Variants in MAP3K21 observed in about 807,000 individuals in gnomAD.
MAP3K21 encodes mitogen-activated protein kinase kinase kinase MLK4.
MAP3K21 carries 63 observed loss-of-function variants against 86.1 expected under a neutral mutation model. The ratio of observed to expected loss-of-function variants is 0.73; its 90% CI spans 0.60 to 0.90. The LOEUF (loss-of-function observed/expected upper bound fraction) is 0.90. Ranked by LOEUF, MAP3K21 falls within the 40% of genes least tolerant of loss-of-function variation. The probability of loss-of-function intolerance (pLI) is 0.00; values close to 1 mark genes in which losing one functional copy is unlikely to be tolerated. For missense variants in MAP3K21, 1,220 were observed against 1,367.7 expected (o/e 0.89, Z 1.70); for synonymous variants, 558 against 564.8 (o/e 0.99, Z 0.17).
At position 233,382,618 on chromosome 1, in the gene MAP3K21, T is replaced by A; in HGVS notation, c.3018T>A (p.Gly1006=). 6.2e-7 allele frequency: 1 copy of A among 1,614,092 alleles called. No homozygotes were observed. The highest frequency in any genetic ancestry group is 8.5e-7 in the Non-Finnish European group (1 of 1,180,006). The change falls in exon 10 of 10, where the codon GGT becomes GGA. Residue 1006 remains glycine, a synonymous_variant. Transcript: ENST00000366624. ...VPSLLDADVE[G]QSRDYTVPLC... is the part of the protein sequence containing the mutation. The stretch of plus-strand genomic sequence containing the variant: ...CATTACTGGATGCTGACGTGGAAGG[T>A]CAGAGCAGGGACTACACTGTGCCAC...
Position 233,378,936 on chromosome 1 carries a change from T to C in MAP3K21, c.1930T>C (p.Cys644Arg), listed in dbSNP as rs754798462. The C allele has an allele frequency of 1.2e-5, 20 of 1,609,400 alleles. No individual in the cohort carries two copies. The East Asian group carries it at 4.0e-4, about 32-fold the overall frequency. Residue 644 changes from cysteine (C) to arginine (R), a missense_variant, in exon 9 of 10, where the codon TGT becomes CGT. By Grantham distance (180) the Cys-to-Arg change is radical. Transcript: ENST00000366624. Reference protein sequence around the residue: ...ASLFVDQPGSCEEPKLSPDGL... With the variant: ...ASLFVDQPGSREEPKLSPDGL... ...GTACTTATACCTTTATTTAGGGTCC[T>C]GTGAAGAGCCAAAACTTTCCCCTGA...
chr1:233,345,858 A>G (rs1427347550), intron 1 of MAP3K21, among the ~76,000 whole-genome samples: 1 of 152,074 alleles, frequency 6.6e-6, no homozygotes, highest in Non-Finnish European at 1.5e-5. Flanking sequence ...TGCATCCTCT[A>G]CATTGGCAGG....
At position 233,327,978 on chromosome 1, in the gene MAP3K21, C is replaced by G. The variant is rs1393817268; in HGVS notation, c.-51C>G. On this transcript the variant is annotated 5_prime_UTR_variant, in exon 1 of 10. Transcript: ENST00000366624. ...CGGACGATGCGCGCCCGCGGCCGCC[C>G]GGGAGGCTGAGCCCAGCTTCCCGCT... The G allele has an allele frequency of 4.9e-6, 6 of 1,234,696 alleles. No homozygotes were observed. Among genetic ancestry groups the G allele is most frequent in the Non-Finnish European group, 2.0e-6 (2 of 989,988 alleles). 76.5% of individuals were successfully genotyped at this position (1,234,696 alleles called of 1,614,324 possible).
Position 233,346,742 on chromosome 1 carries a change from A to G in MAP3K21, c.986+120A>G, listed in dbSNP as rs1663149038. On this transcript the variant is annotated intron_variant, in intron 2 of 9. Coordinates refer to ENST00000366624, the MANE Select transcript of MAP3K21 (RefSeq NM_032435.3). ...TCGAGGCCTTTTTGAATGAATTTTT[A>G]TGGTTTTGATCAAAATAATTGTAAT... 5 of 847,720 alleles carry G rather than the reference A, an allele frequency of 5.9e-6. No individual in the cohort carries two copies. The South Asian group carries it at 8.5e-5, about 14-fold the overall frequency. The allele number at this position is 847,720 out of a possible 1,614,324, so 52.5% of individuals were successfully genotyped here. A position where few individuals can be genotyped will look rare whatever the true frequency, so the allele number is the denominator to read the frequency against.
At chr1:233,367,176 T>C (rs1663593066) in intron 5 of MAP3K21, among the ~76,000 whole-genome samples, 1 of 152,188 alleles carries the variant, frequency 6.6e-6, no homozygotes, top group Non-Finnish European at 1.5e-5. Context: ...TTTGATTGCT[T>C]CAGAAGTGTC....
rs145047167 is a variant in MAP3K21 at position 233,340,668 on chromosome 1, A to G, written c.806-5774A>G. On this transcript the variant is annotated intron_variant, in intron 1 of 9. Transcript: ENST00000366624. ...TAGGAAATGGGTGAAAAGAAATATG[A>G]GAAACATTCTATGCTATGTGATAAA... 3.3e-3 allele frequency among the ~76,000 whole-genome samples: 503 copies of G among 152,248 alleles called. 3 individuals are homozygous for G. Among genetic ancestry groups the G allele is most frequent in the African/African-American group, 0.011 (461 of 41,538 alleles).
intron 5 of MAP3K21, among the ~76,000 whole-genome samples, chr1:233,368,386 C>T (rs961592430): frequency 1.3e-5 from 2 of 152,154 alleles, no homozygotes; most frequent in Admixed American, 6.5e-5. Flanking sequence ...GGTGCAGTGA[C>T]TCACGCCTGT....
intron 1 of MAP3K21, among the ~76,000 whole-genome samples, chr1:233,332,966 G>A (rs966645631): frequency 6.1e-5 from 9 of 147,840 alleles, no homozygotes; most frequent in Non-Finnish European, 1.3e-4. Flanking sequence ...TAGTCTTTTA[G>A]GAATAATTAT....
At chr1:233,358,838 C>A (rs1018993691) in intron 4 of MAP3K21, among the ~76,000 whole-genome samples, 1 of 152,050 alleles carries the variant, frequency 6.6e-6, no homozygotes, top group Non-Finnish European at 1.5e-5. Flanking sequence ...GAGACAGAGT[C>A]TCACTCTGTT....
chr1:233,345,834 G>A (rs187556918), intron 1 of MAP3K21, among the ~76,000 whole-genome samples: 240 of 152,032 alleles, frequency 1.6e-3, no homozygotes, highest in African/African-American at 5.4e-3. Context: ...CTTCACTCCC[G>A]GGAGTTCCCC....
intron 3 of MAP3K21, 45 bp from the exon 4 acceptor site, chr1:233,354,791 A>ATGTCTTGGGGAT: frequency 8.4e-6 from 12 of 1,429,562 alleles, no homozygotes; most frequent in Non-Finnish European, 1.0e-5. Context: ...AGCAACTCTA[A>ATGTCTTGGGGAT]ACTGCGTTGA....
At chr1:233,329,259 G>C (rs1662766321) in intron 1 of MAP3K21, among the ~76,000 whole-genome samples, 1 of 152,068 alleles carries the variant, frequency 6.6e-6, no homozygotes, top group Non-Finnish European at 1.5e-5. Context: ...GAATGCACTC[G>C]GGGACGTCAA....
chr1:233,352,646 G>C (rs1663271712), intron 2 of MAP3K21, among the ~76,000 whole-genome samples: 1 of 152,090 alleles, frequency 6.6e-6, no homozygotes, highest in African/African-American at 2.4e-5. Flanking sequence ...GGCCAAGCTG[G>C]TCTTGTACTT....
intron 1 of MAP3K21, among the ~76,000 whole-genome samples, chr1:233,338,252 T>C (rs887935053): frequency 1.3e-5 from 2 of 152,222 alleles, no homozygotes; most frequent in African/African-American, 4.8e-5. Flanking sequence ...TGTTTTTTCT[T>C]TACAGAAGCC....
Position 233,376,504 on chromosome 1 carries a change from C to G in MAP3K21, c.1901C>G (p.Ala634Gly). ...AAAAATCAGAAAACCATGCCCTTGGCTTCATTGTTTGTGGACCAGCCAGGT... is the reference window on the plus strand; with the variant it reads ...AAAAATCAGAAAACCATGCCCTTGGGTTCATTGTTTGTGGACCAGCCAGGT... Reference protein sequence around the residue: ...LIKNQKTMPLASLFVDQPGSC... With the variant: ...LIKNQKTMPLGSLFVDQPGSC... The change falls in exon 8 of 10, where the codon GCT (alanine) becomes GGT (glycine). Residue 634 changes from alanine to glycine, a missense_variant. This residue lies in a region of MAP3K21 where 632 missense variants were observed against 691.3 expected (regional missense o/e 0.91). Transcript: ENST00000366624. The G allele has an allele frequency of 6.2e-7, 1 of 1,613,372 alleles. No homozygotes were observed. The highest frequency in any genetic ancestry group is 1.3e-5 in the African/African-American group (1 of 75,002).
intron 1 of MAP3K21, among the ~76,000 whole-genome samples, chr1:233,335,953 A>C (rs1294286): frequency 0.78 from 118,283 of 152,028 alleles, 46,279 homozygotes; most frequent in East Asian, 0.99. Flanking sequence ...CTGCTTCTGC[A>C]TTCACACTGT....
rs1469570927 is a variant in MAP3K21 at position 233,379,484 on chromosome 1, T to C, written c.2478T>C (p.Pro826=). 2.5e-6 allele frequency: 4 copies of C among 1,614,202 alleles called. No individual in the cohort carries two copies. The East Asian group carries it at 8.9e-5, about 36-fold the overall frequency. Residue 826 remains proline (P), a synonymous_variant, in exon 9 of 10, where the codon CCT becomes CCC. Transcript: ENST00000366624. ...AAGATCCACTGGTGGACAGTGCACC[T>C]GTCACTTGTGACTCTGAGATGCTCA... ...DSEDPLVDSA[P]VTCDSEMLTP...
chr1:233,349,639 T>C (rs1663211421), intron 2 of MAP3K21, among the ~76,000 whole-genome samples: 1 of 152,180 alleles, frequency 6.6e-6, no homozygotes, highest in Non-Finnish European at 1.5e-5. Flanking sequence ...CTGATTTTCA[T>C]TAAAAGCAGA....
chr1:233,335,249 G>A (rs1662890425), intron 1 of MAP3K21, among the ~76,000 whole-genome samples: 1 of 152,024 alleles, frequency 6.6e-6, no homozygotes, highest in African/African-American at 2.4e-5. Context: ...CTTTATTTTG[G>A]AGCCTGAAAC....
Sources: gnomAD v4.1 joint callset for allele counts (sites outside exome capture counted in the v4.1 genomes callset) on GRCh38, gnomAD v4.1.1 for gene constraint, gnomAD v4.1.1 regional missense constraint, MANE v1.5 for transcripts, NCBI Gene and HGNC (gene_info 2026-07-23, HGNC 2026-07-21) for gene names.